The following SPDYA variants were observed in gnomAD, a reference collection of about 807,000 sequenced individuals.
SPDYA encodes the protein speedy protein A.
Under a neutral mutation model 36.7 loss-of-function variants are expected in SPDYA, and 11 were observed. That is an observed-to-expected ratio of 0.30 (90% CI 0.19 to 0.50). SPDYA has a LOEUF of 0.50. Ranked by LOEUF, SPDYA falls within the 20% of genes least tolerant of loss-of-function variation. SPDYA has a pLI of 0.98. For missense variants in SPDYA, 287 were observed against 370.9 expected (o/e 0.77, Z 1.86); for synonymous variants, 115 against 118.7 (o/e 0.97, Z 0.20).
At chr2:28,845,228 G>A (rs1159345141) in intron 7 of SPDYA, among the ~76,000 whole-genome samples, 2 of 150,484 alleles carry the variant, frequency 1.3e-5, no homozygotes, top group African/African-American at 4.9e-5. Flanking sequence ...TGGCACTACA[G>A]GCACGTGCCA....
chr2:28,845,080 C>T (rs937173739), intron 7 of SPDYA, among the ~76,000 whole-genome samples: 20 of 152,142 alleles, frequency 1.3e-4, no homozygotes, highest in African/African-American at 4.3e-4. Flanking sequence ...CTACTGTGCC[C>T]AGCCAAATGC....
chr2:28,837,328 A>C lies in SPDYA; in HGVS notation c.553-2844A>C, dbSNP rs78362056. ...GGAGAGGGAACTGTAAGTTTCAAAT[A>C]TATATAACAGGAAGAGTAATGGGTT... On this transcript the variant is annotated intron_variant, in intron 6 of 7. Transcript: ENST00000334056. Among the ~76,000 whole-genome samples, 983 of 152,308 alleles carry C rather than the reference A, an allele frequency of 6.5e-3. 8 individuals are homozygous for C. The highest frequency in any genetic ancestry group is 0.018 in the African/African-American group (756 of 41,570).
intron 6 of SPDYA, among the ~76,000 whole-genome samples, chr2:28,838,613 C>A (rs1668670770): frequency 6.6e-6 from 1 of 152,032 alleles, no homozygotes; most frequent in Non-Finnish European, 1.5e-5. Context: ...TTAAAAATAA[C>A]CATGATTGTG....
intron 3 of SPDYA, among the ~76,000 whole-genome samples, chr2:28,818,331 G>T (rs1350345894): frequency 6.6e-6 from 1 of 151,748 alleles, no homozygotes; most frequent in Non-Finnish European, 1.5e-5. Context: ...GCCTGGCGTG[G>T]TGGCATATGC....
At chr2:28,831,736 C>T (rs1221632862) in intron 6 of SPDYA, among the ~76,000 whole-genome samples, 1 of 151,914 alleles carries the variant, frequency 6.6e-6, no homozygotes, top group East Asian at 1.9e-4. Flanking sequence ...ATGCATTACT[C>T]TCTTTTACTG....
intron 5 of SPDYA, among the ~76,000 whole-genome samples, chr2:28,828,426 G>A (rs767554560): frequency 1.3e-5 from 2 of 151,834 alleles, no homozygotes; most frequent in Non-Finnish European, 2.9e-5. Flanking sequence ...ATTTTTCATT[G>A]TACACATTGT....
intron 5 of SPDYA, 94 bp downstream of exon 5, chr2:28,822,504 C>A: frequency 1.9e-6 from 1 of 529,434 alleles, no homozygotes; most frequent in Non-Finnish European, 3.2e-6. Flanking sequence ...TTATGTATAT[C>A]TTTGAATAGG....
chr2:28,839,397 G>A (rs958810992), intron 6 of SPDYA, among the ~76,000 whole-genome samples: 2 of 152,054 alleles, frequency 1.3e-5, no homozygotes, highest in Non-Finnish European at 2.9e-5. Flanking sequence ...GGAACAGCGA[G>A]GTTAAATAAC....
chr2:28,812,462 CA>C (rs1054159644), intron 1 of SPDYA, among the ~76,000 whole-genome samples: 9 of 112,812 alleles, frequency 8.0e-5, no homozygotes, highest in East Asian at 2.2e-4. Context: ...ATTTACTTAC[CA>C]AAAAAAAAAG....
chr2:28,814,546 C>T (rs939384726), intron 1 of SPDYA, 67 bp from the exon 2 acceptor site: 4 of 152,176 alleles, frequency 2.6e-5, no homozygotes, highest in Non-Finnish European at 5.9e-5. Context: ...TACAAAATTA[C>T]ATATGTGGCT....
rs1669010877 is a variant in SPDYA at position 28,850,197 on chromosome 2, A to C, written c.*256A>C. 6.2e-7 allele frequency: 1 copy of C among 1,610,544 alleles called. No individual in the cohort carries two copies. The highest frequency in any genetic ancestry group is 1.1e-5 in the South Asian group (1 of 90,506). ...CAAGTCAGTTACTGTCATCTGGAGT[A>C]CTCAGTTAAGTTGTGGTTTGACCTT... is the stretch of plus-strand genomic sequence containing the variant. On this transcript the variant is annotated 3_prime_UTR_variant, in exon 8 of 8. Transcript: ENST00000334056.
At chr2:28,829,064 AC>A in intron 5 of SPDYA, 83 bp from the exon 6 acceptor site, 1 of 1,244,446 alleles carries the variant, frequency 8.0e-7, no homozygotes, top group Non-Finnish European at 1.1e-6. Context: ...GTGTTTATAA[AC>A]CACTTTTATG....
intron 7 of SPDYA, among the ~76,000 whole-genome samples, chr2:28,848,174 T>C (rs1668930638): frequency 6.6e-6 from 1 of 152,216 alleles, no homozygotes; most frequent in South Asian, 2.1e-4. Flanking sequence ...GCTAGTTACA[T>C]ACAGAAATAT....
intron 3 of SPDYA, among the ~76,000 whole-genome samples, chr2:28,818,594 AT>A (rs1668053557): frequency 6.6e-6 from 1 of 152,130 alleles, no homozygotes; most frequent in Non-Finnish European, 1.5e-5. Flanking sequence ...AGATGTTATT[AT>A]TTTTAACAAT....
chr2:28,821,234 C>T (rs1244304295), intron 4 of SPDYA, among the ~76,000 whole-genome samples: 1 of 113,448 alleles, frequency 8.8e-6, no homozygotes. Context: ...GAGTCTCACT[C>T]TGTCATCCAG....
intron 4 of SPDYA, among the ~76,000 whole-genome samples, chr2:28,820,442 C>T (rs183816801): frequency 4.0e-4 from 61 of 151,898 alleles, no homozygotes; most frequent in South Asian, 1.2e-3. Context: ...AAAAATTAGC[C>T]AGGTGTGGTG....
chr2:28,822,510 A>C (rs185485026), intron 5 of SPDYA, 100 bp downstream of exon 5: 206 of 505,576 alleles, frequency 4.1e-4, no homozygotes, highest in Admixed American at 2.3e-3. Flanking sequence ...ATATCTTTGA[A>C]TAGGCCTTCC....
intron 1 of SPDYA, among the ~76,000 whole-genome samples, chr2:28,814,001 A>C (rs901229429): frequency 6.6e-5 from 10 of 152,192 alleles, no homozygotes; most frequent in African/African-American, 2.4e-4. Context: ...CTTTCTATGG[A>C]GTTTATAACC....
At position 28,811,192 on chromosome 2, in the gene SPDYA, T is replaced by G. The variant is rs936119897; in HGVS notation, c.-93+245T>G. On this transcript the variant is annotated intron_variant, in intron 1 of 7. Transcript: ENST00000334056. The surrounding 1 kb of genome is among the most constrained non-coding windows in gnomAD (Gnocchi z 4.2). ...GCGAGGGAGGCAGTGGCCGCGCAGG[T>G]TGGGGCTTTGGCCGCCCTCCGCCCG... is the stretch of plus-strand genomic sequence containing the variant. The G allele has an allele frequency of 1.3e-5, 2 of 152,368 alleles. No individual in the cohort carries two copies. Among genetic ancestry groups the G allele is most frequent in the African/African-American group, 2.4e-5 (1 of 41,458 alleles). 9.4% of individuals were successfully genotyped at this position (152,368 alleles called of 1,614,324 possible). A position where few individuals can be genotyped will look rare whatever the true frequency, so the allele number is the denominator to read the frequency against.
Sources: allele counts gnomAD v4.1 joint callset (sites outside exome capture counted in the v4.1 genomes callset), GRCh38; gene constraint gnomAD v4.1.1; non-coding constraint Gnocchi (gnomAD v3.1); transcripts MANE v1.5; gene names NCBI Gene and HGNC (gene_info 2026-07-23, HGNC 2026-07-21).